TNRC6B: variants seen among roughly 807,000 people sequenced by gnomAD.
The protein encoded by TNRC6B is trinucleotide repeat containing adaptor 6B, also known as trinucleotide repeat-containing gene 6B protein.
TNRC6B carries 52 observed loss-of-function variants against 203.6 expected under a neutral mutation model. That is an observed-to-expected ratio of 0.26 (90% CI 0.20 to 0.32). The LOEUF (loss-of-function observed/expected upper bound fraction) is 0.32. TNRC6B is among the 10% of genes least tolerant of loss of function. The pLI, the probability that TNRC6B is intolerant of heterozygous loss-of-function variation, is 1.00. For synonymous variants in TNRC6B, 838 were observed against 845.7 expected, an observed-to-expected ratio of 0.99 and a Z score of 0.16; for missense variants, 1,923 against 2,286.2, an observed-to-expected ratio of 0.84 and a Z score of 3.24.
Position 40,178,096 on chromosome 22 carries a change from G to C in TNRC6B, c.-40G>C. The stretch of plus-strand genomic sequence containing the variant: ...CTTTTTTCATTTCCATTTCTACCTT[G>C]TATGCCTCAATTTGCTGGATTTAAG... On this transcript the variant is annotated 5_prime_UTR_variant, in exon 1 of 23. Transcript: ENST00000454349. The C allele has an allele frequency of 6.2e-7, 1 of 1,609,866 alleles. No homozygotes were observed.
intron 3 of TNRC6B, among the ~76,000 whole-genome samples, chr22:40,136,910 A>G (rs1350679930): frequency 6.6e-6 from 1 of 152,204 alleles, no homozygotes; most frequent in Non-Finnish European, 1.5e-5. Flanking sequence ...TCTACAGAGA[A>G]TAAAGTCATC....
chr22:40,069,733 C>A (rs1200764274), intron 1 of TNRC6B, among the ~76,000 whole-genome samples: 2 of 152,046 alleles, frequency 1.3e-5, no homozygotes, highest in African/African-American at 4.8e-5. Flanking sequence ...GTGATCCACC[C>A]ACCTCGGCCT....
chr22:40,143,502 G>A (rs1017550048), intron 3 of TNRC6B, among the ~76,000 whole-genome samples: 4 of 151,648 alleles, frequency 2.6e-5, no homozygotes, highest in African/African-American at 7.3e-5. Context: ...ATCTTTTTTT[G>A]TGGGGGGGAT....
At chr22:40,270,081 A>G in intron 5 of TNRC6B, 41 bp from the exon 6 acceptor site, 2 of 1,555,712 alleles carry the variant, frequency 1.3e-6, no homozygotes, top group South Asian at 1.2e-5. Flanking sequence ...ATGGCATTTC[A>G]TTTAACAAAT....
chr22:40,064,312 T>C (rs965459693), intron 1 of TNRC6B, among the ~76,000 whole-genome samples: 3 of 152,206 alleles, frequency 2.0e-5, no homozygotes, highest in Admixed American at 1.3e-4. Context: ...TATCTTGTTT[T>C]TGGTCTCAGG....
Position 40,265,117 on chromosome 22 carries a change from G to A in TNRC6B, c.887G>A (p.Gly296Asp), listed in dbSNP as rs1281621051. ...NVSGQDRIGP[G>D]SGFSNFNPNS... Reference sequence around the variant, plus strand: ...AGTGGTCAGGATAGAATTGGACCTGGCTCTGGCTTCAGCAACTTTAACCCA... The same window carrying A: ...AGTGGTCAGGATAGAATTGGACCTGACTCTGGCTTCAGCAACTTTAACCCA... Residue 296 changes from glycine (G) to aspartate (D), a missense_variant, in exon 5 of 23, where the codon GGC (glycine) becomes GAC (aspartate). Transcript: ENST00000454349. The A allele has an allele frequency of 6.2e-7, 1 of 1,613,846 alleles. No homozygotes were observed. The highest frequency in any genetic ancestry group is 1.3e-5 in the African/African-American group (1 of 74,908).
intron 12 of TNRC6B, among the ~76,000 whole-genome samples, chr22:40,288,338 T>TA (rs2070816003): frequency 6.6e-6 from 1 of 152,218 alleles, no homozygotes; most frequent in Non-Finnish European, 1.5e-5. Context: ...TATGTGCACT[T>TA]ACAGTTTGGC....
rs2070487991 is a variant in TNRC6B at position 40,266,799 on chromosome 22, A to C, written c.2569A>C (p.Ser857Arg). The change falls in exon 5 of 23, where the codon AGC becomes CGC. Residue 857 changes from serine (S) to arginine (R), a missense_variant. Coordinates refer to ENST00000454349, the MANE Select transcript of TNRC6B (RefSeq NM_001162501.2). Reference sequence around the variant, plus strand: ...AGGCAACGTTCGACCTTCCAATTCCAGCTGGAGCAGCGGGCCACAGCCTGC... The same window carrying C: ...AGGCAACGTTCGACCTTCCAATTCCCGCTGGAGCAGCGGGCCACAGCCTGC... The part of the protein sequence containing the change: ...PPGNVRPSNS[S>R]WSSGPQPATP... The C allele has an allele frequency of 6.2e-7, 1 of 1,613,542 alleles. No homozygotes were observed. Among genetic ancestry groups the C allele is most frequent in the Non-Finnish European group, 8.5e-7 (1 of 1,179,688 alleles).
intron 1 of TNRC6B, among the ~76,000 whole-genome samples, chr22:40,058,372 A>G (rs1191316727): frequency 6.6e-6 from 1 of 152,212 alleles, no homozygotes; most frequent in Non-Finnish European, 1.5e-5. Context: ...GGGGCCCTCT[A>G]CCTGTCCTCC....
chr22:40,223,419 G>A (rs1463038281), intron 1 of TNRC6B, among the ~76,000 whole-genome samples: 7 of 150,492 alleles, frequency 4.7e-5, no homozygotes, highest in Non-Finnish European at 8.9e-5. Flanking sequence ...GATTACAGGC[G>A]TGAGCCACTG....
At chr22:40,191,408 C>G (rs1370403421) in intron 1 of TNRC6B, among the ~76,000 whole-genome samples, 1 of 152,024 alleles carries the variant, frequency 6.6e-6, no homozygotes. Flanking sequence ...CTCTTCCCTG[C>G]TCTGTTTCAG....
chr22:40,185,066 C>T (rs2069181686), intron 1 of TNRC6B, among the ~76,000 whole-genome samples: 1 of 152,222 alleles, frequency 6.6e-6, no homozygotes, highest in Admixed American at 6.5e-5. Flanking sequence ...TCTTGGCTCA[C>T]TGAAACCTCT....
intron 1 of TNRC6B, among the ~76,000 whole-genome samples, chr22:40,217,972 C>CA (rs138025): frequency 0.012 from 1,393 of 112,694 alleles, 28 homozygotes; most frequent in South Asian, 0.03. Flanking sequence ...GACTCCATCT[C>CA]AAAAAAAAAA....
At chr22:40,076,109 G>T (rs1038049733) in intron 1 of TNRC6B, among the ~76,000 whole-genome samples, 1 of 152,062 alleles carries the variant, frequency 6.6e-6, no homozygotes, top group Non-Finnish European at 1.5e-5. Flanking sequence ...AAGCTTCACC[G>T]TTTTTTGTAC....
rs1390928658 is a variant in TNRC6B, at chr22:40,312,489, G to T, written c.4436-16G>T. Reference sequence around the variant, plus strand: ...TAACGACCTTCCTTCTCTAATATTTGTTTTCCTTGTCTCAGAATTCCAACC... The same window carrying T: ...TAACGACCTTCCTTCTCTAATATTTTTTTTCCTTGTCTCAGAATTCCAACC... On this transcript the variant is annotated splice_polypyrimidine_tract_variant and intron_variant, in intron 17 of 22. Transcript: ENST00000454349. 1.3e-6 allele frequency: 2 copies of T among 1,595,326 alleles called. No homozygotes were observed. The highest frequency in any genetic ancestry group is 1.8e-5 in the Admixed American group (1 of 55,542).
intron 1 of TNRC6B, among the ~76,000 whole-genome samples, chr22:40,061,381 AT>A (rs547333413): frequency 1.5e-3 from 212 of 144,016 alleles, no homozygotes; most frequent in Non-Finnish European, 1.2e-3. Flanking sequence ...CGTCTGCCTA[AT>A]TTTTTTTTTT....
chr22:40,111,318 G>A (rs902621905), intron 1 of TNRC6B, among the ~76,000 whole-genome samples: 3 of 152,108 alleles, frequency 2.0e-5, no homozygotes, highest in Non-Finnish European at 2.9e-5. Flanking sequence ...ACCAGGCCTC[G>A]CCGACCGCAG....
chr22:40,140,163 C>G (rs1194150147), intron 3 of TNRC6B, among the ~76,000 whole-genome samples: 1 of 151,902 alleles, frequency 6.6e-6, no homozygotes, highest in Non-Finnish European at 1.5e-5. Context: ...ATCAATTATA[C>G]AACTATAGGA....
chr22:40,283,768 A>C (rs2070748493), intron 11 of TNRC6B, among the ~76,000 whole-genome samples: 1 of 152,194 alleles, frequency 6.6e-6, no homozygotes, highest in Admixed American at 6.5e-5. Context: ...GGAAGAGGAA[A>C]GTAGGAATTG....
Sources: allele counts gnomAD v4.1 joint callset (sites outside exome capture counted in the v4.1 genomes callset), GRCh38; gene constraint gnomAD v4.1.1; transcripts MANE v1.5; gene names NCBI Gene and HGNC (gene_info 2026-07-23, HGNC 2026-07-21).